DCLK1: variants seen among roughly 807,000 people sequenced by gnomAD.
DCLK1 encodes the protein doublecortin like kinase 1.
A neutral mutation model predicts 86.2 loss-of-function variants in DCLK1; 16 were observed. The ratio of observed to expected loss-of-function variants is 0.19; its 90% CI spans 0.13 to 0.28. The LOEUF is 0.28. Among genes scored for constraint, DCLK1 ranks in the 10% least tolerant of loss-of-function variants. DCLK1 has a pLI of 1.00. For missense variants in DCLK1, 590 were observed against 940.2 expected, an observed-to-expected ratio of 0.63 and a Z score of 4.87; for synonymous variants, 369 against 370.5, an observed-to-expected ratio of 1.00 and a Z score of 0.05.
chr13:36,112,179 T>C lies in DCLK1; in HGVS notation c.413A>G (p.Lys138Arg). The change falls in exon 3 of 17, where the codon AAG becomes AGG. Residue 138 changes from lysine to arginine, a missense_variant. By Grantham distance (26) the Lys-to-Arg change is conservative. Around this residue, in one of 6 missense-constraint regions of DCLK1, gnomAD observed 195 missense variants for 365.1 expected, o/e 0.53. Transcript: ENST00000360631. ...CACATTCTTGGTGTACTCCAGTTTC[T>C]TGAAGGGCTCTATGGAGCCACATAC... is the stretch of plus-strand genomic sequence containing the variant. ...SYVCGSIEPFKKLEYTKNVNP... is the reference protein window; with the variant it reads ...SYVCGSIEPFRKLEYTKNVNP... 1 of 1,604,122 alleles carries C rather than the reference T, an allele frequency of 6.2e-7. No homozygotes were observed. The highest frequency in any genetic ancestry group is 1.1e-5 in the South Asian group (1 of 90,946).
chr13:36,018,442 A>G (rs2153149934), intron 3 of DCLK1, among the ~76,000 whole-genome samples: 1 of 152,318 alleles, frequency 6.6e-6, no homozygotes, highest in East Asian at 1.9e-4. Flanking sequence ...TCAGTTTAAA[A>G]TGTTTTTCTA....
chr13:35,976,616 C>A (rs1013671852), intron 3 of DCLK1, among the ~76,000 whole-genome samples: 1 of 148,174 alleles, frequency 6.7e-6, no homozygotes, highest in Non-Finnish European at 1.5e-5. Flanking sequence ...CTGCAAGCTC[C>A]GCCTCCCGGG....
At chr13:35,813,902 TG>T (rs1372677291) in intron 11 of DCLK1, among the ~76,000 whole-genome samples, 5 of 150,466 alleles carry the variant, frequency 3.3e-5, no homozygotes, top group Admixed American at 1.3e-4. Context: ...AAAAAAAAAA[TG>T]TTTTTGCAGG....
intron 6 of DCLK1, chr13:35,849,378 A>G: frequency 4.1e-6 from 4 of 985,268 alleles, no homozygotes; most frequent in Non-Finnish European, 4.8e-6. Flanking sequence ...AATCATGTAA[A>G]AGCCTCCAAA....
intron 3 of DCLK1, among the ~76,000 whole-genome samples, chr13:36,054,420 T>A (rs1429363292): frequency 6.6e-6 from 1 of 152,212 alleles, no homozygotes; most frequent in Non-Finnish European, 1.5e-5. Context: ...GTCTAACTTT[T>A]TAGCTTGCAA....
At chr13:35,992,443 CT>C (rs35847607) in intron 3 of DCLK1, among the ~76,000 whole-genome samples, 7,113 of 144,160 alleles carry the variant, frequency 0.049, 206 homozygotes, top group African/African-American at 0.086. Flanking sequence ...AAAGAAAGTG[CT>C]TTTTTTTTTT....
At chr13:35,917,101 C>T (rs767581314) in intron 4 of DCLK1, among the ~76,000 whole-genome samples, 2 of 152,130 alleles carry the variant, frequency 1.3e-5, no homozygotes, top group African/African-American at 2.4e-5. Context: ...CCTTTTTGCC[C>T]TATCACATTT....
chr13:35,815,309 C>T (rs934797638), intron 11 of DCLK1, among the ~76,000 whole-genome samples: 3 of 152,094 alleles, frequency 2.0e-5, no homozygotes, highest in Non-Finnish European at 2.9e-5. Context: ...AGCTGGTGGC[C>T]ATAAAATAAT....
chr13:35,958,119 ACCAC>A (rs1466800528), intron 3 of DCLK1, among the ~76,000 whole-genome samples: 8 of 141,860 alleles, frequency 5.6e-5, no homozygotes, highest in Non-Finnish European at 9.1e-5. Context: ...CATCACCACC[ACCAC>A]TACCACTACT....
Position 35,910,423 on chromosome 13 carries a change from T to C in DCLK1, c.823+36935A>G, listed in dbSNP as rs1593723616. On this transcript the variant is annotated intron_variant, in intron 4 of 16. Coordinates refer to ENST00000360631, the MANE Select transcript of DCLK1 (RefSeq NM_001330071.2). ...CAATCTTTTGTTGGGTCAATAACCA[T>C]TTGAAAAGGAACTATGGATTTTGTG... Among the ~76,000 whole-genome samples the C allele has an allele frequency of 2.0e-5, 3 of 152,304 alleles. No homozygotes were observed. In the East Asian group the frequency reaches 5.8e-4, roughly 29 times the overall value.
At chr13:36,102,257 A>T (rs891473549) in intron 3 of DCLK1, among the ~76,000 whole-genome samples, 24 of 142,398 alleles carry the variant, frequency 1.7e-4, no homozygotes, top group African/African-American at 6.1e-4. Flanking sequence ...TTTTTTTTTA[A>T]TAAAAAAAAT....
intron 3 of DCLK1, among the ~76,000 whole-genome samples, chr13:36,091,903 C>T (rs1283798354): frequency 2.0e-5 from 3 of 152,184 alleles, no homozygotes; most frequent in Non-Finnish European, 2.9e-5. Context: ...CTCCCCAAAT[C>T]CAATACAGCT....
chr13:35,872,934 T>C (rs1872373887), intron 4 of DCLK1, among the ~76,000 whole-genome samples: 1 of 152,166 alleles, frequency 6.6e-6, no homozygotes, highest in Non-Finnish European at 1.5e-5. Context: ...TCTTTCTTGG[T>C]CAACCCATAG....
At chr13:35,808,929 C>A in intron 13 of DCLK1, 89 bp downstream of exon 13, 1 of 1,112,738 alleles carries the variant, frequency 9.0e-7, no homozygotes, top group Non-Finnish European at 1.3e-6. Context: ...TTTCCTGCTG[C>A]AGGCTCCTTT....
intron 4 of DCLK1, among the ~76,000 whole-genome samples, chr13:35,909,362 C>T (rs1055433984): frequency 2.6e-5 from 4 of 152,162 alleles, no homozygotes; most frequent in East Asian, 3.9e-4. Context: ...ATGTGACACA[C>T]GCAAACATTA....
chr13:35,959,625 T>C (rs1444693860), intron 3 of DCLK1, among the ~76,000 whole-genome samples: 1 of 152,190 alleles, frequency 6.6e-6, no homozygotes, highest in Admixed American at 6.5e-5. Context: ...GACATGTCCA[T>C]GTCCTGGATT....
Position 35,774,445 on chromosome 13 carries a change from G to A in DCLK1, c.*90C>T, listed in dbSNP as rs902064643. On this transcript the variant is annotated 3_prime_UTR_variant, in exon 17 of 17. Coordinates refer to ENST00000360631, the MANE Select transcript of DCLK1 (RefSeq NM_001330071.2). ...CCATTCAAGCATTGAGCGCTAGATA[G>A]ATCAGATGAAACTGTTTTACACAAA... 2.1e-6 allele frequency: 3 copies of A among 1,457,770 alleles called. No homozygotes were observed. Among genetic ancestry groups the A allele is most frequent in the Non-Finnish European group, 2.8e-6 (3 of 1,074,784 alleles). The allele number at this position is 1,457,770 out of a possible 1,614,324, so 90.3% of individuals were successfully genotyped here.
Position 36,015,004 on chromosome 13 carries a change from TTCTCTC to T in DCLK1, c.724-67553_724-67548del, listed in dbSNP as rs60179491. 1.3e-3 allele frequency among the ~76,000 whole-genome samples: 183 copies of T among 143,732 alleles called. 1 individual carries two copies. Among genetic ancestry groups the T allele is most frequent in the Middle Eastern group, 7.3e-3 (2 of 274 alleles). The allele number at this position is 143,732 out of a possible 152,430, so 94.3% of individuals were successfully genotyped here. On this transcript the variant is annotated intron_variant, in intron 3 of 16. Transcript: ENST00000360631. ...TCTCTCTCCCTCTCTCTCTCTCTCT[TTCTCTC>T]TCTCTCTCTCTCTCTCTCTCCCTAT...
At chr13:36,130,499 A>G (rs765623738) in intron 1 of DCLK1, among the ~76,000 whole-genome samples, 1 of 152,154 alleles carries the variant, frequency 6.6e-6, no homozygotes, top group African/African-American at 2.4e-5. Context: ...CGCTCCCACT[A>G]GGAGGAAAAA....
Sources: allele counts gnomAD v4.1 joint callset (sites outside exome capture counted in the v4.1 genomes callset), GRCh38; gene constraint gnomAD v4.1.1; regional missense constraint gnomAD v4.1.1; transcripts MANE v1.5; gene names NCBI Gene and HGNC (gene_info 2026-07-23, HGNC 2026-07-21).